Variants in KIAA1328 observed in about 807,000 individuals in gnomAD.
KIAA1328 encodes the protein protein hinderin.
KIAA1328 carries 52 observed loss-of-function variants against 68.1 expected under a neutral mutation model. That is an observed-to-expected ratio of 0.76 (90% CI 0.61 to 0.96). The LOEUF is 0.96. KIAA1328 is among the 40% of genes least tolerant of loss of function. The pLI, the probability that KIAA1328 is intolerant of heterozygous loss-of-function variation, is 0.00. For synonymous variants in KIAA1328, 232 were observed against 239.4 expected (o/e 0.97, Z 0.28); for missense variants, 641 against 677.6 (o/e 0.95, Z 0.60).
At chr18:37,191,965 G>A (rs917953658) in intron 9 of KIAA1328, among the ~76,000 whole-genome samples, 6 of 152,114 alleles carry the variant, frequency 3.9e-5, no homozygotes, top group Admixed American at 6.5e-5. Flanking sequence ...TAAACTGGAC[G>A]AATCTCAGGT....
chr18:37,090,634 G>A (rs1487586350), intron 7 of KIAA1328, among the ~76,000 whole-genome samples: 1 of 152,166 alleles, frequency 6.6e-6, no homozygotes, highest in Non-Finnish European at 1.5e-5. Flanking sequence ...ATGACTGTCA[G>A]ACTTGGAAGC....
In KIAA1328 at chr18:37,079,333, G is replaced by A. The variant is rs55633722; in HGVS notation, c.1232+11788G>A. Among the ~76,000 whole-genome samples the A allele has an allele frequency of 9.3e-3, 750 of 80,536 alleles. 4 individuals carry two copies. The highest frequency in any genetic ancestry group is 0.018 in the African/African-American group (217 of 11,776). The allele number at this position is 80,536 out of a possible 152,430, so 52.8% of individuals were successfully genotyped here. ...CATCACACAGCGGGGCCTGTTGTGG[G>A]GTGGGGGGAGAGGGGAGGGATAGCT... On this transcript the variant is annotated intron_variant, in intron 7 of 9. Coordinates refer to ENST00000280020, the MANE Select transcript of KIAA1328 (RefSeq NM_020776.3).
intron 5 of KIAA1328, among the ~76,000 whole-genome samples, chr18:36,897,540 G>A (rs938551919): frequency 1.3e-5 from 2 of 152,032 alleles, no homozygotes; most frequent in African/African-American, 2.4e-5. Context: ...GTTGGATATA[G>A]TAATTGCCCT....
chr18:36,865,966 G>T (rs994112906), intron 4 of KIAA1328, among the ~76,000 whole-genome samples: 1 of 152,104 alleles, frequency 6.6e-6, no homozygotes, highest in Non-Finnish European at 1.5e-5. Context: ...CAGACTGCCC[G>T]TTTTTGAGTA....
At chr18:37,161,245 G>T (rs2059272715) in intron 8 of KIAA1328, among the ~76,000 whole-genome samples, 1 of 152,152 alleles carries the variant, frequency 6.6e-6, no homozygotes, top group African/African-American at 2.4e-5. Context: ...AATCTCTGTA[G>T]CCACTCTCAC....
chr18:37,188,833 A>C (rs535285345), intron 9 of KIAA1328, among the ~76,000 whole-genome samples: 1 of 152,376 alleles, frequency 6.6e-6, no homozygotes, highest in East Asian at 1.9e-4. Context: ...GGATTATAAC[A>C]TTATATCATT....
At chr18:36,879,208 T>C (rs1390045566) in intron 4 of KIAA1328, among the ~76,000 whole-genome samples, 2 of 152,186 alleles carry the variant, frequency 1.3e-5, no homozygotes, top group East Asian at 3.9e-4. Flanking sequence ...TTTTTTTTCA[T>C]GGGTGTCCTT....
In KIAA1328 at chr18:37,205,148, A is replaced by G. The variant is rs556839313; in HGVS notation, c.1524-16869A>G. On this transcript the variant is annotated intron_variant, in intron 9 of 9. Transcript: ENST00000280020. ...GACAGCTGAAAGAAAGCAAAGTCTC[A>G]CTAGCCAAAAATGGGGTACAACCCA... Among the ~76,000 whole-genome samples, 5 of 152,338 alleles carry G rather than the reference A, an allele frequency of 3.3e-5. No individual in the cohort carries two copies. The South Asian group carries it at 1.0e-3, about 32-fold the overall frequency.
At chr18:37,017,748 A>C (rs1229586259) in intron 6 of KIAA1328, among the ~76,000 whole-genome samples, 4 of 151,928 alleles carry the variant, frequency 2.6e-5, no homozygotes, top group Admixed American at 2.6e-4. Context: ...TATTAGTTTA[A>C]ACTCTGTTTT....
intron 5 of KIAA1328, among the ~76,000 whole-genome samples, chr18:36,889,351 A>G (rs1382457935): frequency 6.6e-6 from 1 of 152,248 alleles, no homozygotes; most frequent in African/African-American, 2.4e-5. Context: ...GTAATAGTGT[A>G]AGACACAGAG....
chr18:36,960,860 A>C (rs1035510478), intron 6 of KIAA1328, among the ~76,000 whole-genome samples: 14 of 152,332 alleles, frequency 9.2e-5, no homozygotes, highest in African/African-American at 3.4e-4. Flanking sequence ...GGTGGGGAGA[A>C]ACCAAAGCAG....
intron 7 of KIAA1328, among the ~76,000 whole-genome samples, chr18:37,111,298 C>A (rs943639961): frequency 1.3e-5 from 2 of 152,176 alleles, no homozygotes. Flanking sequence ...AGCCTCAGGT[C>A]TGCCTTTAAG....
chr18:37,170,081 G>C (rs929012721), intron 8 of KIAA1328, among the ~76,000 whole-genome samples: 9 of 152,002 alleles, frequency 5.9e-5, no homozygotes, highest in African/African-American at 2.2e-4. Context: ...CATCACCCAG[G>C]ATTCTACCCA....
chr18:37,084,263 T>C, intron 7 of KIAA1328: 3 of 1,263,288 alleles, frequency 2.4e-6, no homozygotes, highest in Middle Eastern at 1.9e-4. Flanking sequence ...AAAACAAGAA[T>C]CTTAAGGGCA....
At chr18:36,898,167 T>A (rs1368118940) in intron 5 of KIAA1328, among the ~76,000 whole-genome samples, 1 of 152,066 alleles carries the variant, frequency 6.6e-6, no homozygotes, top group Admixed American at 6.6e-5. Context: ...TTGATATATA[T>A]CTTTCAAATG....
intron 7 of KIAA1328, among the ~76,000 whole-genome samples, chr18:37,109,098 G>C (rs950159807): frequency 1.3e-5 from 2 of 152,224 alleles, no homozygotes; most frequent in African/African-American, 4.8e-5. Context: ...TCCGTGCAAA[G>C]CACATGAACT....
At chr18:36,840,838 G>A (rs1332290846) in intron 3 of KIAA1328, among the ~76,000 whole-genome samples, 1 of 152,094 alleles carries the variant, frequency 6.6e-6, no homozygotes, top group Admixed American at 6.5e-5. Context: ...TGGTAATTAG[G>A]TCAGTTCAAG....
At chr18:37,081,227 C>T (rs1455613079) in intron 7 of KIAA1328, among the ~76,000 whole-genome samples, 1 of 152,074 alleles carries the variant, frequency 6.6e-6, no homozygotes, top group Non-Finnish European at 1.5e-5. Flanking sequence ...AGTGATCCAC[C>T]CTCCTTGACC....
intron 7 of KIAA1328, among the ~76,000 whole-genome samples, chr18:37,105,501 GAAAAAAA>G (rs376818867): frequency 0.022 from 2,223 of 100,340 alleles, 51 homozygotes; most frequent in African/African-American, 0.069. Flanking sequence ...CTTTTTGAAG[GAAAAAAA>G]AAAAAAAAAA....
Sources: gnomAD v4.1 joint callset for allele counts (sites outside exome capture counted in the v4.1 genomes callset) on GRCh38, gnomAD v4.1.1 for gene constraint, MANE v1.5 for transcripts, NCBI Gene and HGNC (gene_info 2026-07-23, HGNC 2026-07-21) for gene names.